WTAP: variants seen among roughly 807,000 people sequenced by gnomAD.
WTAP encodes the protein pre-mRNA-splicing regulator WTAP.
Under a neutral mutation model 50.0 loss-of-function variants are expected in WTAP, and 8 were observed. The ratio of observed to expected loss-of-function variants is 0.16; its 90% CI spans 0.09 to 0.29. The LOEUF is 0.29. Ranked by LOEUF, WTAP falls within the 10% of genes least tolerant of loss-of-function variation. The pLI is 1.00. For missense variants in WTAP, 295 were observed against 470.7 expected, an observed-to-expected ratio of 0.63 and a Z score of 3.45; for synonymous variants, 194 against 169.0, an observed-to-expected ratio of 1.15 and a Z score of -1.15.
upstream of WTAP, chr6:159,727,145 C>T (rs1778217703): frequency 4.2e-6 from 5 of 1,194,632 alleles, no homozygotes; most frequent in Non-Finnish European, 5.3e-6. Flanking sequence ...TGCTGAGCTC[C>T]GGGGCCCGCG....
chr6:159,736,062 G>T (rs1778894052), intron 1 of WTAP, among the ~76,000 whole-genome samples, 196 bp from the exon 2 acceptor site: 2 of 152,116 alleles, frequency 1.3e-5, no homozygotes, highest in Admixed American at 1.3e-4. Flanking sequence ...TGGGTACAGA[G>T]TATATAGGAA....
Position 159,755,782 on chromosome 6 carries a change from T to G in WTAP, c.*171T>G, listed in dbSNP as rs1779991044. The stretch of plus-strand genomic sequence containing the variant: ...TTTCTTTTCTTTTTTTTTTTTTTTT[T>G]TTTTTTTTGCTTCAATACTTCTGCC... On this transcript the variant is annotated 3_prime_UTR_variant, in exon 8 of 8. Transcript: ENST00000621533. The G allele has an allele frequency of 9.6e-7, 1 of 1,046,630 alleles. No homozygotes were observed. Among genetic ancestry groups the G allele is most frequent in the African/African-American group, 1.7e-5 (1 of 57,534 alleles). 64.8% of individuals were successfully genotyped at this position (1,046,630 alleles called of 1,614,324 possible). A position where few individuals can be genotyped will look rare whatever the true frequency, so the allele number is the denominator to read the frequency against.
intron 1 of WTAP, among the ~76,000 whole-genome samples, chr6:159,732,898 T>TA (rs1778675699): frequency 2.1e-5 from 1 of 47,720 alleles, no homozygotes; most frequent in African/African-American, 4.1e-5. Context: ...TGTGTGTGTG[T>TA]GTGTGTGTGT....
chr6:159,727,035 C>T, upstream of WTAP: 13 of 1,228,794 alleles, frequency 1.1e-5, no homozygotes, highest in Non-Finnish European at 1.4e-5. Context: ...CCGCAGGTGG[C>T]CCCGGCGAGT....
Position 159,756,066 on chromosome 6 carries a change from C to T in WTAP, c.*455C>T, listed in dbSNP as rs1780003277. On this transcript the variant is annotated 3_prime_UTR_variant, in exon 8 of 8. Coordinates refer to ENST00000621533, the MANE Select transcript of WTAP (RefSeq NM_001270531.2). ...TGGGTTTATGACTGCCAAGTTTGCCCAGTACAGTAGTTTTTTATCACTAAA... is the reference window on the plus strand; with the variant it reads ...TGGGTTTATGACTGCCAAGTTTGCCTAGTACAGTAGTTTTTTATCACTAAA... The T allele has an allele frequency of 6.4e-6, 1 of 155,070 alleles. No individual in the cohort carries two copies. The highest frequency in any genetic ancestry group is 2.4e-5 in the African/African-American group (1 of 41,436). 9.6% of individuals were successfully genotyped at this position (155,070 alleles called of 1,614,324 possible).
chr6:159,737,702 G>A (rs1304320431), intron 2 of WTAP, among the ~76,000 whole-genome samples: 1 of 151,944 alleles, frequency 6.6e-6, no homozygotes, highest in African/African-American at 2.4e-5. Context: ...ATGTTACCCA[G>A]GCTGATCTTG....
At position 159,753,431 on chromosome 6, in the gene WTAP, T is replaced by C. The variant is rs74588438; in HGVS notation, c.453-29T>C. The C allele has an allele frequency of 9.5e-4, 1,536 of 1,614,106 alleles. 11 individuals carry two copies. The African/African-American group carries it at 0.018, about 19-fold the overall frequency. On this transcript the variant is annotated intron_variant, in intron 6 of 7. Coordinates refer to ENST00000621533, the MANE Select transcript of WTAP (RefSeq NM_001270531.2). ...CAAAGACAGAGAGTTTTGTCTTCAT[T>C]TTGTGATGGATGGCTCTTTCCTTTG... is the stretch of plus-strand genomic sequence containing the variant.
intron 2 of WTAP, among the ~76,000 whole-genome samples, chr6:159,738,426 C>G (rs1779050024): frequency 6.6e-6 from 1 of 152,006 alleles, no homozygotes; most frequent in East Asian, 1.9e-4. Flanking sequence ...AGTCCTGTTT[C>G]TTTTTATTGC....
intron 3 of WTAP, chr6:159,741,840 G>A (rs1562459645): frequency 3.1e-6 from 1 of 319,634 alleles, no homozygotes; most frequent in Non-Finnish European, 5.8e-6. Flanking sequence ...AATGAGCCAT[G>A]TGCCTTTGGT....
chr6:159,755,727 T>G lies in WTAP; in HGVS notation c.*116T>G, dbSNP rs1779978399. 8.8e-6 allele frequency: 11 copies of G among 1,250,428 alleles called. No individual in the cohort carries two copies. The highest frequency in any genetic ancestry group is 3.8e-5 in the Admixed American group (1 of 26,156). The allele number at this position is 1,250,428 out of a possible 1,614,324, so 77.5% of individuals were successfully genotyped here. A position where few individuals can be genotyped will look rare whatever the true frequency, so the allele number is the denominator to read the frequency against. On this transcript the variant is annotated 3_prime_UTR_variant, in exon 8 of 8. Coordinates refer to ENST00000621533, the MANE Select transcript of WTAP (RefSeq NM_001270531.2). ...TTTTTGTGGGTGTACGTTTTGGTTTTTTTTTGTTGTTTTTTTTCTTTGTTT... is the reference window on the plus strand; with the variant it reads ...TTTTTGTGGGTGTACGTTTTGGTTTGTTTTTGTTGTTTTTTTTCTTTGTTT...
chr6:159,750,392 A>G (rs1394190226), intron 6 of WTAP, among the ~76,000 whole-genome samples: 2 of 152,214 alleles, frequency 1.3e-5, no homozygotes, highest in African/African-American at 4.8e-5. Flanking sequence ...TTTTAATAAG[A>G]TAATACATGC....
chr6:159,742,899 A>T (rs2114925624), intron 4 of WTAP, among the ~76,000 whole-genome samples: 1 of 152,248 alleles, frequency 6.6e-6, no homozygotes, highest in African/African-American at 2.4e-5. Flanking sequence ...CTACAAAAAA[A>T]AAAAGAGTCA....
chr6:159,727,952 A>G (rs1394213019), intron 1 of WTAP, among the ~76,000 whole-genome samples: 1 of 152,192 alleles, frequency 6.6e-6, no homozygotes, highest in Non-Finnish European at 1.5e-5. Flanking sequence ...TGGCGGCCGG[A>G]GAGACCGGCC....
At chr6:159,727,096 T>C, upstream of WTAP, 5 of 1,194,664 alleles carry the variant, frequency 4.2e-6, no homozygotes, top group Non-Finnish European at 5.3e-6. Flanking sequence ...CCGACCTCGC[T>C]GGCCCGCCCC....
chr6:159,750,389 A>C (rs1779774897), intron 6 of WTAP, among the ~76,000 whole-genome samples: 1 of 152,232 alleles, frequency 6.6e-6, no homozygotes, highest in Non-Finnish European at 1.5e-5. Context: ...CTCTTTTAAT[A>C]AGATAATACA....
chr6:159,745,556 CAAGG>C (rs1203966452), intron 5 of WTAP, among the ~76,000 whole-genome samples: 1 of 151,452 alleles, frequency 6.6e-6, no homozygotes, highest in East Asian at 1.9e-4. Context: ...AGCAAAATCA[CAAGG>C]AAAGGTCAAG....
At chr6:159,740,389 T>G (rs1779180822) in intron 3 of WTAP, among the ~76,000 whole-genome samples, 1 of 152,226 alleles carries the variant, frequency 6.6e-6, no homozygotes, top group African/African-American at 2.4e-5. Flanking sequence ...TGTAAGACTT[T>G]TAGGCGAGTT....
rs1779074900 is a variant in WTAP, at chr6:159,738,874, C to T, written c.31-116C>T. 9.6e-6 allele frequency: 6 copies of T among 622,934 alleles called. No homozygotes were observed. In the East Asian group the frequency reaches 1.3e-4, roughly 13 times the overall value. The allele number at this position is 622,934 out of a possible 1,614,324, so 38.6% of individuals were successfully genotyped here. A position where few individuals can be genotyped will look rare whatever the true frequency, so the allele number is the denominator to read the frequency against. On this transcript the variant is annotated intron_variant, in intron 2 of 7. Coordinates refer to ENST00000621533, the MANE Select transcript of WTAP (RefSeq NM_001270531.2). Reference sequence around the variant, plus strand: ...GTAATAAAATACTTTTTCAAAAAATCATAATATGTACTGAGCCGTTTAAAT... The same window carrying T: ...GTAATAAAATACTTTTTCAAAAAATTATAATATGTACTGAGCCGTTTAAAT...
At chr6:159,727,287 C>T (rs879590081), upstream of WTAP, 3 of 1,280,062 alleles carry the variant, frequency 2.3e-6, no homozygotes, top group Non-Finnish European at 3.0e-6. Flanking sequence ...TGGCGGGGTT[C>T]GGCGGCGGGC....
Sources: allele counts gnomAD v4.1 joint callset (sites outside exome capture counted in the v4.1 genomes callset), GRCh38; gene constraint gnomAD v4.1.1; transcripts MANE v1.5; gene names NCBI Gene and HGNC (gene_info 2026-07-23, HGNC 2026-07-21).